The following SCPEP1 variants were observed in gnomAD, a reference collection of about 807,000 sequenced individuals.
SCPEP1 encodes serine carboxypeptidase 1, also known as retinoid-inducible serine carboxypeptidase.
In SCPEP1, 51 loss-of-function variants were observed where a neutral mutation model predicts 63.8. The ratio of observed to expected loss-of-function variants is 0.80; its 90% CI spans 0.64 to 1.01. SCPEP1 has a LOEUF of 1.01. SCPEP1 is among the 50% of genes least tolerant of loss of function. SCPEP1 has a pLI of 0.00. For missense variants in SCPEP1, 499 were observed against 554.9 expected, an observed-to-expected ratio of 0.90 and a Z score of 1.01; for synonymous variants, 204 against 207.8, an observed-to-expected ratio of 0.98 and a Z score of 0.16.
chr17:56,997,972 A>G (rs1313627245), intron 9 of SCPEP1: 2 of 165,574 alleles, frequency 1.2e-5, no homozygotes, highest in Non-Finnish European at 2.7e-5. Context: ...TTCCAGCTGA[A>G]TCTGAAACCC....
intron 12 of SCPEP1, among the ~76,000 whole-genome samples, chr17:57,005,270 C>T (rs1490825072): frequency 6.6e-6 from 1 of 152,158 alleles, no homozygotes; most frequent in Non-Finnish European, 1.5e-5. Flanking sequence ...AAGTCCCTGA[C>T]GAGGCTGGTA....
At chr17:56,981,257 A>T in intron 2 of SCPEP1, 27 bp downstream of exon 2, 1 of 1,613,404 alleles carries the variant, frequency 6.2e-7, no homozygotes, top group Non-Finnish European at 8.5e-7. Context: ...GCCTGGCCTG[A>T]GGTCAAAGCC....
chr17:57,001,162 C>G (rs1198194106), intron 11 of SCPEP1, among the ~76,000 whole-genome samples, 170 bp downstream of exon 11: 1 of 152,146 alleles, frequency 6.6e-6, no homozygotes, highest in Non-Finnish European at 1.5e-5. Flanking sequence ...GGGTGGGGAG[C>G]TGCACGTGGC....
At chr17:56,997,121 T>TAAAA in intron 9 of SCPEP1, 66 bp downstream of exon 9, 16 of 726,620 alleles carry the variant, frequency 2.2e-5, no homozygotes, top group South Asian at 7.7e-5. Flanking sequence ...ACCTGTTTAT[T>TAAAA]AAAAAAAAAA....
At chr17:57,001,355 A>G (rs996759112) in intron 11 of SCPEP1, among the ~76,000 whole-genome samples, 5 of 152,190 alleles carry the variant, frequency 3.3e-5, no homozygotes, top group African/African-American at 4.8e-5. Flanking sequence ...TGACCACTGC[A>G]GAGTGAATTA....
intron 2 of SCPEP1, chr17:56,983,418 AT>A (rs1413493622): frequency 6.6e-6 from 1 of 152,200 alleles, no homozygotes; most frequent in Admixed American, 6.5e-5. Context: ...CCCAGCTTTC[AT>A]TGGAGGGTAG....
intron 5 of SCPEP1, among the ~76,000 whole-genome samples, chr17:56,989,106 C>T (rs973173665): frequency 1.1e-4 from 16 of 152,048 alleles, no homozygotes; most frequent in Non-Finnish European, 2.4e-4. Context: ...GGGAGGATCG[C>T]TTGAGCTCAA....
Position 57,006,406 on chromosome 17 carries a change from G to A in SCPEP1, c.*171G>A. 2 of 426,920 alleles carry A rather than the reference G, an allele frequency of 4.7e-6. No homozygotes were observed. The highest frequency in any genetic ancestry group is 8.4e-6 in the Non-Finnish European group (2 of 238,266). The allele number at this position is 426,920 out of a possible 1,614,324, so 26.4% of individuals were successfully genotyped here. On this transcript the variant is annotated 3_prime_UTR_variant, in exon 13 of 13. Coordinates refer to ENST00000262288, the MANE Select transcript of SCPEP1 (RefSeq NM_021626.3). ...AATCATTGTCTCTGGAGGCAATTTGGAAATTATTTCTGCTTCTTAAAAAAA... is the reference window on the plus strand; with the variant it reads ...AATCATTGTCTCTGGAGGCAATTTGAAAATTATTTCTGCTTCTTAAAAAAA...
chr17:57,004,325 T>A (rs1240633920), intron 12 of SCPEP1, among the ~76,000 whole-genome samples: 2 of 152,136 alleles, frequency 1.3e-5, no homozygotes, highest in African/African-American at 2.4e-5. Context: ...GCCTGAAAGC[T>A]TGGGTGACAG....
chr17:56,981,097 G>C lies in SCPEP1; in HGVS notation c.92G>C (p.Trp31Ser). ...LGLNAGAVID[W>S]PTEEGKEVWD... ...TCTGTTTCAGGAGCTGTCATTGACT[G>C]GCCCACAGAGGAGGGCAAGGAAGTA... Residue 31 changes from tryptophan to serine, a missense_variant, in exon 2 of 13, where the codon TGG becomes TCG. By Grantham distance (177) the Trp-to-Ser change is radical. Transcript: ENST00000262288. 1 of 1,614,120 alleles carries C rather than the reference G, an allele frequency of 6.2e-7. No individual in the cohort carries two copies.
chr17:56,994,249 A>G (rs1298093344), intron 6 of SCPEP1, among the ~76,000 whole-genome samples: 1 of 152,238 alleles, frequency 6.6e-6, no homozygotes, highest in Non-Finnish European at 1.5e-5. Flanking sequence ...AAGGAGAGAC[A>G]TACTCAAATG....
intron 12 of SCPEP1, 101 bp downstream of exon 12, chr17:57,002,282 A>C: frequency 8.2e-7 from 1 of 1,215,148 alleles, no homozygotes. Context: ...TCTTGTAGGA[A>C]GTACGAGGGC....
chr17:56,979,776 GATTTACAGAA>G (rs1911017554), intron 1 of SCPEP1, among the ~76,000 whole-genome samples: 1 of 151,658 alleles, frequency 6.6e-6, no homozygotes. Context: ...TTTTATTTTT[GATTTACAGAA>G]ATTTTGTTGT....
rs937325358 is a variant in SCPEP1 at position 56,995,429 on chromosome 17, A to G, written c.658-78A>G. On this transcript the variant is annotated intron_variant, in intron 7 of 12. Coordinates refer to ENST00000262288, the MANE Select transcript of SCPEP1 (RefSeq NM_021626.3). ...TCTCCTTCCTTCCCCTCTTTCTCCT[A>G]CCCCTCCCTAACTGCAGCAATACCA... 3 of 1,487,850 alleles carry G rather than the reference A, an allele frequency of 2.0e-6. No individual in the cohort carries two copies. The African/African-American group carries it at 4.2e-5, about 21-fold the overall frequency. The allele number at this position is 1,487,850 out of a possible 1,614,324, so 92.2% of individuals were successfully genotyped here.
rs180767709 is a variant in SCPEP1, at chr17:57,001,380, T to C, written c.1132+388T>C. ...AGAGTGAATTAAAACTAAACCCTAATGACTGTAACCCTGAAGACCCAGGGG... is the reference window on the plus strand; with the variant it reads ...AGAGTGAATTAAAACTAAACCCTAACGACTGTAACCCTGAAGACCCAGGGG... On this transcript the variant is annotated intron_variant, in intron 11 of 12. Coordinates refer to ENST00000262288, the MANE Select transcript of SCPEP1 (RefSeq NM_021626.3). Among the ~76,000 whole-genome samples the C allele has an allele frequency of 9.9e-5, 15 of 152,280 alleles. 1 individual carries two copies. The highest frequency in any genetic ancestry group is 9.6e-4 in the East Asian group (5 of 5,186).
At chr17:56,993,097 A>C (rs79433090) in intron 6 of SCPEP1, among the ~76,000 whole-genome samples, 5,597 of 152,316 alleles carry the variant, frequency 0.037, 343 homozygotes, top group African/African-American at 0.12. Flanking sequence ...AGGAAAAGAT[A>C]CACAGATAAG....
intron 6 of SCPEP1, among the ~76,000 whole-genome samples, chr17:56,993,150 C>A (rs895471119): frequency 6.6e-6 from 1 of 152,190 alleles, no homozygotes; most frequent in Non-Finnish European, 1.5e-5. Context: ...TGTCACTAAG[C>A]CCATGTGACC....
Position 56,995,603 on chromosome 17 carries a change from C to T in SCPEP1, c.754C>T (p.Leu252=), listed in dbSNP as rs1411366493. The stretch of plus-strand genomic sequence containing the variant: ...GGGGCTCTACAGAGAGGCCACAGAG[C>T]TGTGGGGGAAAGCAGAAATGATCAT... ...NKGLYREATE[L]WGKAEMIIEQ... The change falls in exon 8 of 13, where the codon CTG becomes TTG. Residue 252 remains leucine (L), a synonymous_variant. Transcript: ENST00000262288. 2.5e-6 allele frequency: 4 copies of T among 1,613,902 alleles called. No homozygotes were observed. The Admixed American group carries it at 6.7e-5, about 27-fold the overall frequency.
intron 1 of SCPEP1, among the ~76,000 whole-genome samples, chr17:56,980,586 C>G (rs1226801922): frequency 6.6e-6 from 1 of 151,934 alleles, no homozygotes; most frequent in Non-Finnish European, 1.5e-5. Flanking sequence ...GTCAGGAGTG[C>G]GAGACCAGCC....
Sources: allele counts gnomAD v4.1 joint callset (sites outside exome capture counted in the v4.1 genomes callset), GRCh38; gene constraint gnomAD v4.1.1; transcripts MANE v1.5; gene names NCBI Gene and HGNC (gene_info 2026-07-23, HGNC 2026-07-21).